The following MBOAT2 variants were observed in gnomAD, a reference collection of about 807,000 sequenced individuals.
MBOAT2 encodes membrane bound glycerophospholipid O-acyltransferase 2, also known as membrane-bound glycerophospholipid O-acyltransferase 2.
Under a neutral mutation model 63.4 loss-of-function variants are expected in MBOAT2, and 28 were observed. That is an observed-to-expected ratio of 0.44 (90% confidence interval 0.33 to 0.61). The LOEUF is 0.61. MBOAT2 is among the 20% of genes least tolerant of loss of function. MBOAT2 has a pLI of 0.03. For synonymous variants in MBOAT2, 211 were observed against 215.6 expected (o/e 0.98, Z 0.19); for missense variants, 470 against 605.8 (o/e 0.78, Z 2.35).
intron 9 of MBOAT2, among the ~76,000 whole-genome samples, chr2:8,865,466 C>G (rs1661802825): frequency 6.6e-6 from 1 of 152,206 alleles, no homozygotes; most frequent in African/African-American, 2.4e-5. Flanking sequence ...GGGCCAATGT[C>G]TCCACTTCCA....
At chr2:8,936,176 G>A (rs1308276623) in intron 3 of MBOAT2, among the ~76,000 whole-genome samples, 3 of 152,182 alleles carry the variant, frequency 2.0e-5, no homozygotes, top group Non-Finnish European at 4.4e-5. Context: ...TGACGGGACA[G>A]AGTCTGTCTT....
intron 3 of MBOAT2, among the ~76,000 whole-genome samples, chr2:8,940,626 A>C (rs1667983553): frequency 6.6e-6 from 1 of 152,196 alleles, no homozygotes; most frequent in Non-Finnish European, 1.5e-5. Context: ...TATGAATCAG[A>C]ATAATAAAAC....
At chr2:8,963,289 A>G (rs929055733) in intron 1 of MBOAT2, among the ~76,000 whole-genome samples, 6 of 151,980 alleles carry the variant, frequency 3.9e-5, no homozygotes, top group African/African-American at 1.2e-4. Flanking sequence ...AACTAACCCG[A>G]AAGTCACAAA....
intron 8 of MBOAT2, among the ~76,000 whole-genome samples, chr2:8,871,131 A>C (rs919557658): frequency 1.3e-5 from 2 of 151,936 alleles, no homozygotes; most frequent in Non-Finnish European, 2.9e-5. Flanking sequence ...AGTAGCTGGG[A>C]CCACAGGTGT....
At chr2:8,928,607 TA>T (rs1413630080) in intron 3 of MBOAT2, among the ~76,000 whole-genome samples, 1 of 151,936 alleles carries the variant, frequency 6.6e-6, no homozygotes, top group East Asian at 1.9e-4. Context: ...CTGAGAATTT[TA>T]AAAAATCTGT....
intron 2 of MBOAT2, among the ~76,000 whole-genome samples, chr2:8,953,413 C>A (rs1394212468): frequency 6.6e-6 from 1 of 151,886 alleles, no homozygotes; most frequent in East Asian, 1.9e-4. Context: ...TGACTATATG[C>A]CTTGCTGATA....
At position 8,858,413 on chromosome 2, in the gene MBOAT2, G is replaced by A. The variant is rs757704449; in HGVS notation, c.*266C>T. ...ACATACATTCAGCAACAGGGCACGC[G>A]TGTGACCCTACGGACAAGTGCTGAG... On this transcript the variant is annotated 3_prime_UTR_variant, in exon 13 of 13. Coordinates refer to ENST00000305997, the MANE Select transcript of MBOAT2 (RefSeq NM_138799.4). 24 of 370,968 alleles carry A rather than the reference G, an allele frequency of 6.5e-5. No homozygotes were observed. The highest frequency in any genetic ancestry group is 1.1e-4 in the Non-Finnish European group (22 of 205,356). The allele number at this position is 370,968 out of a possible 1,614,324, so 23.0% of individuals were successfully genotyped here.
At chr2:8,894,429 G>A (rs1198864486) in intron 4 of MBOAT2, among the ~76,000 whole-genome samples, 1 of 152,198 alleles carries the variant, frequency 6.6e-6, no homozygotes, top group African/African-American at 2.4e-5. Context: ...CCAGGATAAA[G>A]GCCCACTACT....
chr2:8,935,608 C>G (rs535906164), intron 3 of MBOAT2, among the ~76,000 whole-genome samples: 8 of 152,342 alleles, frequency 5.3e-5, no homozygotes, highest in African/African-American at 1.9e-4. Flanking sequence ...AGTTTGAACA[C>G]CTCTTCTTGG....
rs374233590 is a variant in MBOAT2 at position 8,977,182 on chromosome 2, C to T, written c.76-18540G>A. Among the ~76,000 whole-genome samples, 68 of 152,204 alleles carry T rather than the reference C, an allele frequency of 4.5e-4. No homozygotes were observed. The South Asian group carries it at 0.014, about 31-fold the overall frequency. On this transcript the variant is annotated intron_variant, in intron 1 of 12. Coordinates refer to ENST00000305997, the MANE Select transcript of MBOAT2 (RefSeq NM_138799.4). ...CCAAATTTTACACTTTTACTATGTA[C>T]AGCTTTGGTGTCACTTATACCTCAA...
intron 2 of MBOAT2, among the ~76,000 whole-genome samples, chr2:8,957,737 T>G (rs1384372432): frequency 6.6e-6 from 1 of 152,180 alleles, no homozygotes. Flanking sequence ...CAGATGAGCA[T>G]GCAGCACAAG....
At chr2:8,928,011 A>G (rs1055218993) in intron 3 of MBOAT2, among the ~76,000 whole-genome samples, 2 of 152,202 alleles carry the variant, frequency 1.3e-5, no homozygotes, top group African/African-American at 4.8e-5. Context: ...GGGAGCAGCC[A>G]CATCACATGG....
At chr2:8,950,987 C>T (rs560900909) in intron 2 of MBOAT2, among the ~76,000 whole-genome samples, 4 of 152,280 alleles carry the variant, frequency 2.6e-5, no homozygotes, top group African/African-American at 9.6e-5. Context: ...ATAAAGCCTA[C>T]TTCATCATGG....
chr2:8,968,502 G>A lies in MBOAT2; in HGVS notation c.76-9860C>T, dbSNP rs550371069. On this transcript the variant is annotated intron_variant, in intron 1 of 12. Coordinates refer to ENST00000305997, the MANE Select transcript of MBOAT2 (RefSeq NM_138799.4). ...CCCTTCCAAAGGAATGCAGCTCCTC[G>A]CCAGCAATGGAACAAAGCTGGATGG... is the stretch of plus-strand genomic sequence containing the variant. 2.1e-3 allele frequency among the ~76,000 whole-genome samples: 322 copies of A among 152,290 alleles called. 2 individuals carry two copies. The highest frequency in any genetic ancestry group is 2.3e-3 in the Non-Finnish European group (158 of 68,016).
chr2:8,944,872 C>T (rs776300263), intron 2 of MBOAT2, among the ~76,000 whole-genome samples: 1 of 152,086 alleles, frequency 6.6e-6, no homozygotes, highest in Non-Finnish European at 1.5e-5. Context: ...TGACTTCGTG[C>T]GAAAGGTGAC....
At chr2:8,921,093 C>G (rs966988840) in intron 3 of MBOAT2, among the ~76,000 whole-genome samples, 10 of 152,238 alleles carry the variant, frequency 6.6e-5, no homozygotes, top group South Asian at 6.2e-4. Context: ...AGTATTTATA[C>G]GGTCAGATTT....
intron 1 of MBOAT2, among the ~76,000 whole-genome samples, chr2:9,000,067 T>C (rs1270223903): frequency 1.3e-5 from 2 of 152,216 alleles, no homozygotes; most frequent in Non-Finnish European, 2.9e-5. Context: ...ATAATTTCTA[T>C]CATCTCATAA....
intron 2 of MBOAT2, among the ~76,000 whole-genome samples, chr2:8,946,288 A>G (rs1386762156): frequency 6.6e-6 from 1 of 152,212 alleles, no homozygotes; most frequent in Non-Finnish European, 1.5e-5. Flanking sequence ...CCCACACTGG[A>G]ATACAGGTTT....
chr2:8,936,498 T>C (rs1472407689), intron 3 of MBOAT2, among the ~76,000 whole-genome samples: 1 of 152,126 alleles, frequency 6.6e-6, no homozygotes, highest in Non-Finnish European at 1.5e-5. Context: ...TTTCTTTAGG[T>C]CATTTATCTT....
Sources: allele counts gnomAD v4.1 joint callset (sites outside exome capture counted in the v4.1 genomes callset), GRCh38; gene constraint gnomAD v4.1.1; transcripts MANE v1.5; gene names NCBI Gene and HGNC (gene_info 2026-07-23, HGNC 2026-07-21).